ADGRL3: variants seen among roughly 807,000 people sequenced by gnomAD.
The protein encoded by ADGRL3 is calcium-independent alpha-latrotoxin receptor 3.
A neutral mutation model predicts 153.5 loss-of-function variants in ADGRL3; 62 were observed. The observed-to-expected ratio is 0.40, with a 90% CI of 0.33 to 0.50. The LOEUF is 0.50. Among genes scored for constraint, ADGRL3 ranks in the 20% least tolerant of loss-of-function variants. The pLI, the probability that ADGRL3 is intolerant of heterozygous loss-of-function variation, is 0.47. For missense variants in ADGRL3, 1,641 were observed against 1,859.4 expected (o/e 0.88, Z 2.16); for synonymous variants, 710 against 672.5 (o/e 1.06, Z -0.86).
chr4:61,534,519 G>T (rs1318740720), intron 4 of ADGRL3, among the ~76,000 whole-genome samples: 5 of 151,970 alleles, frequency 3.3e-5, no homozygotes, highest in Admixed American at 2.6e-4. Context: ...TCTCTAGATT[G>T]CTTTGGGGAG....
chr4:61,765,417 T>C (rs905561983), intron 8 of ADGRL3, among the ~76,000 whole-genome samples: 36 of 152,132 alleles, frequency 2.4e-4, no homozygotes, highest in Admixed American at 9.2e-4. Context: ...GGTAAAAGTA[T>C]TGTCCAGTCC....
At chr4:61,332,365 G>A (rs146286396) in intron 1 of ADGRL3, among the ~76,000 whole-genome samples, 298 of 152,234 alleles carry the variant, frequency 2.0e-3, no homozygotes, top group African/African-American at 6.6e-3. Context: ...TTTATAAAGC[G>A]TGGACCAGTT....
At chr4:61,515,946 C>T (rs1205902364) in intron 3 of ADGRL3, among the ~76,000 whole-genome samples, 3 of 152,054 alleles carry the variant, frequency 2.0e-5, no homozygotes, top group Non-Finnish European at 2.9e-5. Flanking sequence ...AACTTATTTT[C>T]TTCTTTGGCA....
At chr4:61,935,308 T>C (rs1037807240) in intron 14 of ADGRL3, among the ~76,000 whole-genome samples, 2 of 152,174 alleles carry the variant, frequency 1.3e-5, no homozygotes, top group African/African-American at 4.8e-5. Context: ...GACTTTTATG[T>C]ATGTATTACA....
At chr4:62,003,027 A>G (rs2099145932) in intron 21 of ADGRL3, among the ~76,000 whole-genome samples, 1 of 152,168 alleles carries the variant, frequency 6.6e-6, no homozygotes, top group African/African-American at 2.4e-5. Flanking sequence ...AAAAATATTA[A>G]TTAACGAATG....
intron 8 of ADGRL3, among the ~76,000 whole-genome samples, chr4:61,782,823 C>A (rs2097229843): frequency 1.3e-5 from 2 of 152,032 alleles, no homozygotes; most frequent in South Asian, 2.1e-4. Context: ...GCTTTCTAGC[C>A]CAGAAATATT....
chr4:61,639,090 A>G (rs533794292), intron 5 of ADGRL3, among the ~76,000 whole-genome samples: 1 of 152,188 alleles, frequency 6.6e-6, no homozygotes, highest in Non-Finnish European at 1.5e-5. Context: ...AACCAAAGAC[A>G]ATAGTGAGGT....
intron 8 of ADGRL3, among the ~76,000 whole-genome samples, chr4:61,761,122 C>A: frequency 6.6e-6 from 1 of 152,266 alleles, no homozygotes; most frequent in East Asian, 1.9e-4. Flanking sequence ...TGAAGGTTTG[C>A]AAAAACATCT....
intron 25 of ADGRL3, among the ~76,000 whole-genome samples, chr4:62,060,304 C>G (rs942592825): frequency 1.3e-5 from 2 of 151,872 alleles, no homozygotes; most frequent in African/African-American, 2.4e-5. Context: ...CGTGCAATCT[C>G]CTTACCTTAT....
chr4:61,884,164 C>T (rs1450153470), intron 9 of ADGRL3, among the ~76,000 whole-genome samples: 3 of 152,168 alleles, frequency 2.0e-5, no homozygotes, highest in African/African-American at 7.2e-5. Context: ...TGAGCTCTCT[C>T]ACAGGCATAT....
intron 1 of ADGRL3, among the ~76,000 whole-genome samples, chr4:61,267,686 C>T (rs532569110): frequency 2.1e-4 from 32 of 151,576 alleles, no homozygotes; most frequent in African/African-American, 7.0e-4. Context: ...TCTCTTTTCC[C>T]GCCTCTCTCT....
In ADGRL3 at chr4:61,530,605, C is replaced by T. The variant is rs551031685; in HGVS notation, c.259+13087C>T. Reference sequence around the variant, plus strand: ...GAGGGGGTGGGATAATATGTTAATTCATTATTTAAGTTTCCCTGCACCCCA... The same window carrying T: ...GAGGGGGTGGGATAATATGTTAATTTATTATTTAAGTTTCCCTGCACCCCA... On this transcript the variant is annotated intron_variant, in intron 4 of 26. Transcript: ENST00000683033. Among the ~76,000 whole-genome samples the T allele has an allele frequency of 2.6e-5, 4 of 152,088 alleles. No individual in the cohort carries two copies. The East Asian group carries it at 5.8e-4, about 22-fold the overall frequency.
At chr4:61,894,582 A>G (rs2098613912) in intron 10 of ADGRL3, among the ~76,000 whole-genome samples, 1 of 152,118 alleles carries the variant, frequency 6.6e-6, no homozygotes, top group African/African-American at 2.4e-5. Context: ...GATTAGTGAA[A>G]CACTTTATTT....
At chr4:61,466,678 T>C (rs2097888289) in intron 2 of ADGRL3, among the ~76,000 whole-genome samples, 1 of 152,200 alleles carries the variant, frequency 6.6e-6, no homozygotes, top group Non-Finnish European at 1.5e-5. Flanking sequence ...TGGTGCAAAG[T>C]AGGCACTCAA....
intron 8 of ADGRL3, among the ~76,000 whole-genome samples, chr4:61,780,581 C>A (rs1174342333): frequency 6.6e-6 from 1 of 152,144 alleles, no homozygotes; most frequent in Non-Finnish European, 1.5e-5. Flanking sequence ...TTCAATTTTT[C>A]ATGTATGTTT....
At chr4:61,722,382 A>G (rs2096257476) in intron 6 of ADGRL3, among the ~76,000 whole-genome samples, 1 of 152,130 alleles carries the variant, frequency 6.6e-6, no homozygotes, top group Non-Finnish European at 1.5e-5. Context: ...ACCCAACAAG[A>G]CATTCCATGA....
chr4:61,986,462 G>C (rs1199512280), intron 19 of ADGRL3, among the ~76,000 whole-genome samples: 1 of 152,110 alleles, frequency 6.6e-6, no homozygotes, highest in Non-Finnish European at 1.5e-5. Flanking sequence ...ATAATATGTA[G>C]CCTCTTGTGG....
intron 9 of ADGRL3, among the ~76,000 whole-genome samples, chr4:61,856,767 G>T (rs1001971053): frequency 1.3e-5 from 2 of 151,246 alleles, no homozygotes; most frequent in Non-Finnish European, 2.9e-5. Context: ...ACTACATATG[G>T]CTGGTTTTTG....
chr4:61,764,311 AAG>A (rs1221094755), intron 8 of ADGRL3, among the ~76,000 whole-genome samples: 4 of 152,046 alleles, frequency 2.6e-5, no homozygotes, highest in East Asian at 1.9e-4. Context: ...TGAGTTCGAA[AAG>A]AGAGTCAGCG....
Sources: gnomAD v4.1 joint callset for allele counts (sites outside exome capture counted in the v4.1 genomes callset) on GRCh38, gnomAD v4.1.1 for gene constraint, MANE v1.5 for transcripts, NCBI Gene and HGNC (gene_info 2026-07-23, HGNC 2026-07-21) for gene names.